Variants in AGAP1 observed in about 807,000 individuals in gnomAD.
AGAP1 encodes ArfGAP with GTPase domain, ankyrin repeat and PH domain 1.
Under a neutral mutation model 105.3 loss-of-function variants are expected in AGAP1, and 29 were observed. That is an observed-to-expected ratio of 0.28 (90% CI 0.21 to 0.38). AGAP1 has a LOEUF of 0.38. Among genes scored for constraint, AGAP1 ranks in the 10% least tolerant of loss-of-function variants. The probability of loss-of-function intolerance (pLI) is 1.00; values close to 1 mark genes in which losing one functional copy is unlikely to be tolerated. For missense variants in AGAP1, 998 were observed against 1,165.1 expected, an observed-to-expected ratio of 0.86 and a Z score of 2.09; for synonymous variants, 509 against 485.9, an observed-to-expected ratio of 1.05 and a Z score of -0.63.
intron 9 of AGAP1, among the ~76,000 whole-genome samples, chr2:235,810,538 C>A (rs985501000): frequency 6.6e-6 from 1 of 152,172 alleles, no homozygotes; most frequent in African/African-American, 2.4e-5. Context: ...TGCAATCTAA[C>A]CCCAGAGTTT....
At position 235,739,272 on chromosome 2, in the gene AGAP1, G is replaced by A. The variant is rs561570539; in HGVS notation, c.311-1691G>A. Among the ~76,000 whole-genome samples, 2 of 152,238 alleles carry A rather than the reference G, an allele frequency of 1.3e-5. No homozygotes were observed. The highest frequency in any genetic ancestry group is 6.5e-5 in the Admixed American group (1 of 15,288). ...GACCGTCTGCAGCACCGTCACATACGTGGGGACGTCCACCTGTGTCAGATG... is the reference window on the plus strand; with the variant it reads ...GACCGTCTGCAGCACCGTCACATACATGGGGACGTCCACCTGTGTCAGATG... On this transcript the variant is annotated intron_variant, in intron 3 of 17. Transcript: ENST00000304032. The surrounding 1 kb of genome is among the most constrained non-coding windows in gnomAD (Gnocchi z 5.3).
chr2:235,703,425 C>G (rs1449742900), intron 1 of AGAP1, among the ~76,000 whole-genome samples: 1 of 152,034 alleles, frequency 6.6e-6, no homozygotes, highest in Non-Finnish European at 1.5e-5. Context: ...ATCCTACCCC[C>G]AAAGGTAATA....
chr2:235,991,356 A>G (rs1559731759), intron 13 of AGAP1, among the ~76,000 whole-genome samples: 2 of 152,316 alleles, frequency 1.3e-5, no homozygotes, highest in South Asian at 4.1e-4. Flanking sequence ...TCCAAGCAGC[A>G]TGATCAATCA....
rs1243982910 is a variant in AGAP1 at position 235,744,339 on chromosome 2, A to G, written c.397-359A>G. ...TTAGGGCTTGAGGGGCTCTGGCAGG[A>G]GGTGGGTCTGGCCTTCTGTCTGCGG... On this transcript the variant is annotated intron_variant, in intron 4 of 17. Coordinates refer to ENST00000304032, the MANE Select transcript of AGAP1 (RefSeq NM_001037131.3). This position sits in a 1 kb window ranked among gnomAD's most constrained non-coding sequence, Gnocchi z 5.2. 6.6e-6 allele frequency among the ~76,000 whole-genome samples: 1 copy of G among 152,122 alleles called. No homozygotes were observed. Among genetic ancestry groups the G allele is most frequent in the African/African-American group, 2.4e-5 (1 of 41,432 alleles).
chr2:235,643,198 C>T (rs181793679), intron 1 of AGAP1, among the ~76,000 whole-genome samples: 2,085 of 151,780 alleles, frequency 0.014, 19 homozygotes, highest in Middle Eastern at 0.028. Flanking sequence ...TTTGGGAGGC[C>T]GAGGCGGGTG....
In AGAP1 at chr2:236,105,596, C is replaced by T. The variant is rs2059465066; in HGVS notation, c.2115-14596C>T. Among the ~76,000 whole-genome samples the T allele has an allele frequency of 6.7e-6, 1 of 148,210 alleles. No homozygotes were observed. The highest frequency in any genetic ancestry group is 2.2e-4 in the South Asian group (1 of 4,562). On this transcript the variant is annotated intron_variant, in intron 16 of 17. Coordinates refer to ENST00000304032, the MANE Select transcript of AGAP1 (RefSeq NM_001037131.3). The surrounding 1 kb of genome is among the most constrained non-coding windows in gnomAD (Gnocchi z 4.2). ...TTTGAGACACAGTCTCGCTCTGTCA[C>T]CCAGGCTGCAGTGCAGTGGCGTGAA... is the stretch of plus-strand genomic sequence containing the variant.
chr2:236,100,104 A>C (rs969272391), intron 16 of AGAP1, among the ~76,000 whole-genome samples: 2 of 148,730 alleles, frequency 1.3e-5, no homozygotes, highest in Non-Finnish European at 3.0e-5. Flanking sequence ...CCTTCTGAGC[A>C]CTGGGCCTTT....
intron 6 of AGAP1, among the ~76,000 whole-genome samples, chr2:235,794,280 A>G (rs1957137800): frequency 6.6e-6 from 1 of 152,190 alleles, no homozygotes; most frequent in Admixed American, 6.5e-5. Flanking sequence ...TTAAAAGAAC[A>G]CTGAGCATTA....
At position 235,700,706 on chromosome 2, in the gene AGAP1, G is replaced by A. The variant is rs1196905928; in HGVS notation, c.164-8473G>A. 2.6e-5 allele frequency among the ~76,000 whole-genome samples: 4 copies of A among 151,902 alleles called. No individual in the cohort carries two copies. Among genetic ancestry groups the A allele is most frequent in the African/African-American group, 7.3e-5 (3 of 41,346 alleles). Reference sequence around the variant, plus strand: ...TCCCAGCTACTCAAGAGACTGAGGCGGGAGAATCACTTGAACCCTGGAGGC... The same window carrying A: ...TCCCAGCTACTCAAGAGACTGAGGCAGGAGAATCACTTGAACCCTGGAGGC... On this transcript the variant is annotated intron_variant, in intron 1 of 17. Transcript: ENST00000304032. The surrounding 1 kb of genome is among the most constrained non-coding windows in gnomAD (Gnocchi z 6.1).
At position 235,754,130 on chromosome 2, in the gene AGAP1, G is replaced by A. The variant is rs138564637; in HGVS notation, c.673+3642G>A. ...CCCCATCTTGGGACCTGAGAGCCTC[G>A]ACTTAACCACAGCACCGGGACATTT... On this transcript the variant is annotated intron_variant, in intron 6 of 17. Coordinates refer to ENST00000304032, the MANE Select transcript of AGAP1 (RefSeq NM_001037131.3). The surrounding 1 kb of genome is among the most constrained non-coding windows in gnomAD (Gnocchi z 4.6). Among the ~76,000 whole-genome samples, 128 of 152,248 alleles carry A rather than the reference G, an allele frequency of 8.4e-4. 2 individuals are homozygous for A. The highest frequency in any genetic ancestry group is 2.9e-3 in the African/African-American group (121 of 41,544).
rs1243806316 is a variant in AGAP1 at position 235,608,735 on chromosome 2, T to C, written c.164-100444T>C. 6.6e-6 allele frequency among the ~76,000 whole-genome samples: 1 copy of C among 152,162 alleles called. No individual in the cohort carries two copies. Among genetic ancestry groups the C allele is most frequent in the Non-Finnish European group, 1.5e-5 (1 of 68,040 alleles). ...AAAAATTGTTCTTCTCCTTCCTTTTTTAGTAGGGGAGAGAGGAGCAATTTT... is the reference window on the plus strand; with the variant it reads ...AAAAATTGTTCTTCTCCTTCCTTTTCTAGTAGGGGAGAGAGGAGCAATTTT... On this transcript the variant is annotated intron_variant, in intron 1 of 17. Coordinates refer to ENST00000304032, the MANE Select transcript of AGAP1 (RefSeq NM_001037131.3). The surrounding 1 kb of genome is among the most constrained non-coding windows in gnomAD (Gnocchi z 5.4).
intron 16 of AGAP1, among the ~76,000 whole-genome samples, chr2:236,059,605 G>A (rs1284172998): frequency 6.6e-6 from 1 of 152,152 alleles, no homozygotes; most frequent in Admixed American, 6.5e-5. Context: ...GTGTGATATT[G>A]GTGTAAAAAT....
In AGAP1 at chr2:235,716,702, T is replaced by TG. The variant is rs765617858; in HGVS notation, c.223-849dup. Among the ~76,000 whole-genome samples the TG allele has an allele frequency of 1.3e-5, 2 of 151,936 alleles. No homozygotes were observed. Among genetic ancestry groups the TG allele is most frequent in the Non-Finnish European group, 2.9e-5 (2 of 67,980 alleles). On this transcript the variant is annotated intron_variant, in intron 2 of 17. Transcript: ENST00000304032. This position sits in a 1 kb window ranked among gnomAD's most constrained non-coding sequence, Gnocchi z 4.0. ...GAGCAGCTTCCCAGAGAAGGCGGCA[T>TG]GGGGGGTATCCAGCTCCCAAGCACA...
chr2:235,923,178 G>A (rs1401608140), intron 11 of AGAP1, among the ~76,000 whole-genome samples: 1 of 152,122 alleles, frequency 6.6e-6, no homozygotes, highest in Non-Finnish European at 1.5e-5. Context: ...AATAATATTT[G>A]GGGGACGATG....
intron 1 of AGAP1, among the ~76,000 whole-genome samples, chr2:235,658,463 A>G (rs1041837067): frequency 3.3e-5 from 5 of 151,606 alleles, no homozygotes; most frequent in African/African-American, 9.7e-5. Context: ...CGTATTAGCA[A>G]AGAGACATCT....
In AGAP1 at chr2:235,792,213, G is replaced by T. The variant is rs1039368297; in HGVS notation, c.674-5546G>T. 6.6e-6 allele frequency among the ~76,000 whole-genome samples: 1 copy of T among 152,196 alleles called. No homozygotes were observed. ...GAGTCATTAGTTGTCATCTAATGGT[G>T]GCTCTTCAGTGTCACTGCAATCTAT... On this transcript the variant is annotated intron_variant, in intron 6 of 17. Transcript: ENST00000304032. The surrounding 1 kb of genome is among the most constrained non-coding windows in gnomAD (Gnocchi z 5.3).
chr2:235,642,835 T>C lies in AGAP1; in HGVS notation c.164-66344T>C, dbSNP rs1405192040. Among the ~76,000 whole-genome samples, 1 of 152,238 alleles carries C rather than the reference T, an allele frequency of 6.6e-6. No homozygotes were observed. Among genetic ancestry groups the C allele is most frequent in the Non-Finnish European group, 1.5e-5 (1 of 68,048 alleles). On this transcript the variant is annotated intron_variant, in intron 1 of 17. Coordinates refer to ENST00000304032, the MANE Select transcript of AGAP1 (RefSeq NM_001037131.3). The surrounding 1 kb of genome is among the most constrained non-coding windows in gnomAD (Gnocchi z 4.1). ...TAAAATTATTTTGCTTTGCAAAGAT[T>C]AGGCAAATCCCAGGTTGCTGAGTCT...
Position 235,557,798 on chromosome 2 carries a change from A to G in AGAP1, c.163+62949A>G, listed in dbSNP as rs1431790430. ...GCTGGGGTTGTGCCTTATGAAAACA[A>G]CGGACTTGGCTACATTTCGACAAGG... On this transcript the variant is annotated intron_variant, in intron 1 of 17. Coordinates refer to ENST00000304032, the MANE Select transcript of AGAP1 (RefSeq NM_001037131.3). The surrounding 1 kb of genome is among the most constrained non-coding windows in gnomAD (Gnocchi z 4.7). Among the ~76,000 whole-genome samples the G allele has an allele frequency of 6.6e-6, 1 of 152,184 alleles. No homozygotes were observed. Among genetic ancestry groups the G allele is most frequent in the Non-Finnish European group, 1.5e-5 (1 of 68,034 alleles).
At chr2:235,514,385 A>C (rs1942291142) in intron 1 of AGAP1, among the ~76,000 whole-genome samples, 1 of 152,242 alleles carries the variant, frequency 6.6e-6, no homozygotes, top group Admixed American at 6.5e-5. Flanking sequence ...GGAAGTAAAG[A>C]AATGGAAATG....
Sources: gnomAD v4.1 joint callset for allele counts (sites outside exome capture counted in the v4.1 genomes callset) on GRCh38, gnomAD v4.1.1 for gene constraint, Gnocchi (gnomAD v3.1) non-coding constraint, MANE v1.5 for transcripts, NCBI Gene and HGNC (gene_info 2026-07-23, HGNC 2026-07-21) for gene names.